FSIP1: variants seen among roughly 807,000 people sequenced by gnomAD.
FSIP1 encodes the protein fibrous sheath interacting protein 1.
FSIP1 carries 65 observed loss-of-function variants against 60.9 expected under a neutral mutation model. That is an observed-to-expected ratio of 1.07 (90% CI 0.87 to 1.31). The LOEUF (loss-of-function observed/expected upper bound fraction) is 1.31. Among genes scored for constraint, FSIP1 ranks in the 40% most tolerant of loss-of-function variants. The probability of loss-of-function intolerance (pLI) is 0.00; values close to 1 mark genes in which losing one functional copy is unlikely to be tolerated. For missense variants in FSIP1, 675 were observed against 665.5 expected (o/e 1.01, Z -0.16); for synonymous variants, 209 against 221.2 (o/e 0.94, Z 0.49).
intron 10 of FSIP1, among the ~76,000 whole-genome samples, chr15:39,711,547 A>T (rs564447900): frequency 8.3e-4 from 126 of 152,276 alleles, no homozygotes; most frequent in African/African-American, 3.0e-3. Context: ...AGTGAGAGGA[A>T]GTACCAACAG....
chr15:39,670,831 G>A (rs566213697), intron 10 of FSIP1, among the ~76,000 whole-genome samples: 2 of 152,332 alleles, frequency 1.3e-5, no homozygotes, highest in East Asian at 3.9e-4. Context: ...TTCTAAAGGT[G>A]TCGTAAGCAC....
chr15:39,704,079 C>T (rs979582291), intron 10 of FSIP1, among the ~76,000 whole-genome samples: 2 of 152,100 alleles, frequency 1.3e-5, no homozygotes, highest in Non-Finnish European at 2.9e-5. Flanking sequence ...AATTTTTTAA[C>T]GTTTCTCTGT....
intron 9 of FSIP1, among the ~76,000 whole-genome samples, chr15:39,723,101 A>G (rs2140581635): frequency 6.6e-6 from 1 of 152,322 alleles, no homozygotes; most frequent in African/African-American, 2.4e-5. Context: ...ATATTAACTC[A>G]GCTACCCATT....
In FSIP1 at chr15:39,617,957, T is replaced by G. The variant is rs866086807; in HGVS notation, c.1477A>C (p.Met493Leu). The change falls in exon 11 of 12, where the codon ATG (methionine) becomes CTG (leucine). Residue 493 changes from methionine to leucine, a missense_variant. By Grantham distance (15) the Met-to-Leu change is conservative. Coordinates refer to ENST00000350221, the MANE Select transcript of FSIP1 (RefSeq NM_152597.5). ...GCTTCAGTGACAAGAGCTTCTGACA[T>G]GTTATGTCCAGTCAAGGCTTTAGTG... is the stretch of plus-strand genomic sequence containing the variant. ...YLTKALTGHN[M>L]SEALVTEAEN... The G allele has an allele frequency of 1.2e-5, 20 of 1,614,046 alleles. No individual in the cohort carries two copies. In the African/African-American group the frequency reaches 2.1e-4, roughly 17 times the overall value.
At chr15:39,726,011 T>G (rs1466569647) in intron 9 of FSIP1, among the ~76,000 whole-genome samples, 1 of 152,100 alleles carries the variant, frequency 6.6e-6, no homozygotes, top group East Asian at 1.9e-4. Flanking sequence ...AGGCTGGTCT[T>G]GAACTCCTGA....
intron 8 of FSIP1, among the ~76,000 whole-genome samples, chr15:39,733,643 T>C (rs1005295315): frequency 6.6e-6 from 1 of 152,176 alleles, no homozygotes; most frequent in South Asian, 2.1e-4. Flanking sequence ...GGCTACGCGA[T>C]ACAGCTTGGC....
intron 10 of FSIP1, among the ~76,000 whole-genome samples, chr15:39,678,510 T>C (rs1894033425): frequency 6.6e-6 from 1 of 152,124 alleles, no homozygotes; most frequent in African/African-American, 2.4e-5. Flanking sequence ...AATATTTTAT[T>C]GGAAATATAA....
intron 9 of FSIP1, among the ~76,000 whole-genome samples, chr15:39,716,354 T>G (rs1036612825): frequency 2.0e-5 from 3 of 152,240 alleles, no homozygotes; most frequent in African/African-American, 7.2e-5. Context: ...AAAAAAATTA[T>G]AAGTTGCACT....
intron 9 of FSIP1, among the ~76,000 whole-genome samples, chr15:39,722,441 C>T (rs1186078241): frequency 6.6e-6 from 1 of 152,142 alleles, no homozygotes; most frequent in Non-Finnish European, 1.5e-5. Context: ...TTCCACAAAC[C>T]CAGTCCCTGA....
At chr15:39,732,538 G>A (rs1333369303) in intron 8 of FSIP1, among the ~76,000 whole-genome samples, 2 of 149,776 alleles carry the variant, frequency 1.3e-5, no homozygotes, top group African/African-American at 2.5e-5. Context: ...AGAATCACTT[G>A]AGCCCGGGAG....
Position 39,634,386 on chromosome 15 carries a change from C to T in FSIP1, c.1189-16141G>A, listed in dbSNP as rs77963843. On this transcript the variant is annotated intron_variant, in intron 10 of 11. Coordinates refer to ENST00000350221, the MANE Select transcript of FSIP1 (RefSeq NM_152597.5). ...CCAAACAGGGTTTAGTCCACCACTC[C>T]GTTAAAACTGCTCTTGTCTATCACA... Among the ~76,000 whole-genome samples, 50 of 152,264 alleles carry T rather than the reference C, an allele frequency of 3.3e-4. 1 individual carries two copies. In the East Asian group the frequency reaches 3.7e-3, roughly 11 times the overall value.
intron 8 of FSIP1, among the ~76,000 whole-genome samples, chr15:39,728,151 G>C (rs1232196224): frequency 6.6e-6 from 1 of 152,006 alleles, no homozygotes; most frequent in African/African-American, 2.4e-5. Flanking sequence ...ACAAACAAAT[G>C]GAAAAACATT....
At chr15:39,673,245 T>A (rs1419518040) in intron 10 of FSIP1, among the ~76,000 whole-genome samples, 1 of 152,242 alleles carries the variant, frequency 6.6e-6, no homozygotes, top group Non-Finnish European at 1.5e-5. Flanking sequence ...CACAGTCTCA[T>A]AAAAGCAAAT....
chr15:39,726,852 A>AACACACACACACACACAC lies in FSIP1; in HGVS notation c.892-123_892-106dup, dbSNP rs3065147. Reference sequence around the variant, plus strand: ...GCCCAGGTCTTCACATACACACACAAACACACACACACACACACACAACAC... The same window carrying AACACACACACACACACAC: ...GCCCAGGTCTTCACATACACACACAAACACACACACACACACACACACACACACACACACACACAACAC... On this transcript the variant is annotated intron_variant, in intron 8 of 11. Transcript: ENST00000350221. 2.4e-5 allele frequency: 15 copies of AACACACACACACACACAC among 622,368 alleles called. No individual in the cohort carries two copies. The African/African-American group carries it at 2.4e-4, about 10-fold the overall frequency. 38.6% of individuals were successfully genotyped at this position (622,368 alleles called of 1,614,324 possible).
chr15:39,746,999 G>A (rs1001721950), intron 5 of FSIP1, among the ~76,000 whole-genome samples: 2 of 134,408 alleles, frequency 1.5e-5, no homozygotes, highest in Non-Finnish European at 3.1e-5. Flanking sequence ...TCCTGTTTGG[G>A]CTTCCCTCCT....
intron 10 of FSIP1, among the ~76,000 whole-genome samples, chr15:39,711,103 A>G (rs1038277580): frequency 6.6e-6 from 1 of 152,232 alleles, no homozygotes; most frequent in African/African-American, 2.4e-5. Context: ...TATGTGATAA[A>G]TGGCCAATGT....
chr15:39,666,708 T>C (rs73393281), intron 10 of FSIP1, among the ~76,000 whole-genome samples: 3,135 of 152,310 alleles, frequency 0.021, 111 homozygotes, highest in African/African-American at 0.071. Flanking sequence ...AGCACTGAAC[T>C]TCAGAGTCAA....
intron 7 of FSIP1, among the ~76,000 whole-genome samples, chr15:39,739,329 A>G (rs1402668903): frequency 1.3e-5 from 2 of 152,228 alleles, no homozygotes; most frequent in African/African-American, 4.8e-5. Context: ...AATTTTACTA[A>G]TATGCAATTT....
intron 5 of FSIP1, among the ~76,000 whole-genome samples, chr15:39,745,331 C>G (rs2067658227): frequency 1.3e-5 from 2 of 152,060 alleles, no homozygotes; most frequent in South Asian, 2.1e-4. Context: ...ATAAGGAAAC[C>G]AATTTTACCA....
Sources: gnomAD v4.1 joint callset for allele counts (sites outside exome capture counted in the v4.1 genomes callset) on GRCh38, gnomAD v4.1.1 for gene constraint, MANE v1.5 for transcripts, NCBI Gene and HGNC (gene_info 2026-07-23, HGNC 2026-07-21) for gene names.